DAP: variants seen among roughly 807,000 people sequenced by gnomAD.
The protein encoded by DAP is death associated protein, also known as death-associated protein 1.
In DAP, 8 loss-of-function variants were observed where a neutral mutation model predicts 13.8. The ratio of observed to expected loss-of-function variants is 0.58; its 90% CI spans 0.34 to 1.05. The LOEUF is 1.05. DAP is among the 50% of genes least tolerant of loss of function. DAP has a pLI of 0.03. For missense variants in DAP, 106 were observed against 133.2 expected (o/e 0.80, Z 1.01); for synonymous variants, 47 against 47.5 (o/e 0.99, Z 0.04).
Position 10,748,216 on chromosome 5 carries a change from T to C in DAP, c.111A>G (p.Lys37=). The change falls in exon 2 of 4, where the codon AAA becomes AAG. Residue 37 remains lysine, a synonymous_variant. Transcript: ENST00000230895. ...CCTGGTCATCCTTGTCTTTCTCTTC[T>C]TTGGTGTCTCCTGTATGTGGGTGTT... ...VQKHPHTGDT[K]EEKDKDDQEW... The C allele has an allele frequency of 6.2e-7, 1 of 1,614,170 alleles. No individual in the cohort carries two copies. Among genetic ancestry groups the C allele is most frequent in the Non-Finnish European group, 8.5e-7 (1 of 1,179,972 alleles).
At chr5:10,720,512 T>C (rs1192309032) in intron 2 of DAP, among the ~76,000 whole-genome samples, 2 of 152,166 alleles carry the variant, frequency 1.3e-5, no homozygotes, top group Admixed American at 6.5e-5. Context: ...ATCAAGTGGA[T>C]GCGATGACCC....
At position 10,688,056 on chromosome 5, in the gene DAP, C is replaced by T. The variant is rs949364307; in HGVS notation, c.153-4485G>A. The stretch of plus-strand genomic sequence containing the variant: ...TCAGCCTCCAGAGTAGCTGGGATTA[C>T]AGGCACACACCACCATGCCTGGCTA... On this transcript the variant is annotated intron_variant, in intron 2 of 3. Transcript: ENST00000230895. Among the ~76,000 whole-genome samples the T allele has an allele frequency of 5.3e-5, 8 of 152,180 alleles. No individual in the cohort carries two copies. In the East Asian group the frequency reaches 7.7e-4, roughly 15 times the overall value.
chr5:10,750,824 G>C (rs1312810062), intron 1 of DAP, among the ~76,000 whole-genome samples: 1 of 152,182 alleles, frequency 6.6e-6, no homozygotes, highest in Non-Finnish European at 1.5e-5. Context: ...GGCTTTACCA[G>C]TAAGGATCTC....
At chr5:10,712,887 C>A (rs1364140531) in intron 2 of DAP, among the ~76,000 whole-genome samples, 5 of 152,108 alleles carry the variant, frequency 3.3e-5, no homozygotes, top group Admixed American at 3.3e-4. Flanking sequence ...TGAATGGAAC[C>A]TCAAGATATC....
chr5:10,756,363 A>G (rs1039566586), intron 1 of DAP, among the ~76,000 whole-genome samples: 3 of 91,476 alleles, frequency 3.3e-5, no homozygotes, highest in African/African-American at 9.4e-5. Flanking sequence ...AAGACAAATT[A>G]GTCTTCTGTT....
intron 2 of DAP, among the ~76,000 whole-genome samples, chr5:10,736,133 C>T (rs533211563): frequency 2.4e-4 from 36 of 152,320 alleles, no homozygotes; most frequent in African/African-American, 7.7e-4. Context: ...TCAGAAGCTG[C>T]GAGACAGGCC....
At chr5:10,710,145 C>G (rs371163520) in intron 2 of DAP, among the ~76,000 whole-genome samples, 17 of 152,348 alleles carry the variant, frequency 1.1e-4, no homozygotes, top group African/African-American at 4.1e-4. Flanking sequence ...GACCCCTCCC[C>G]TTCCCTCGGC....
At chr5:10,723,119 T>C (rs566109714) in intron 2 of DAP, among the ~76,000 whole-genome samples, 22 of 152,288 alleles carry the variant, frequency 1.4e-4, no homozygotes, top group Middle Eastern at 6.8e-3. Context: ...CTCCTCCCTC[T>C]TGCCATCACA....
chr5:10,727,503 C>T (rs1274670422), intron 2 of DAP, among the ~76,000 whole-genome samples: 1 of 152,164 alleles, frequency 6.6e-6, no homozygotes, highest in Admixed American at 6.5e-5. Context: ...ATGGGGCCTG[C>T]TGCCTTGCTC....
At chr5:10,751,771 C>A (rs1412282549) in intron 1 of DAP, among the ~76,000 whole-genome samples, 2 of 152,128 alleles carry the variant, frequency 1.3e-5, no homozygotes, top group Non-Finnish European at 2.9e-5. Flanking sequence ...AAAGAAATGG[C>A]CTGCAAGGAA....
chr5:10,725,867 A>C (rs1040605941), intron 2 of DAP, among the ~76,000 whole-genome samples: 1 of 152,214 alleles, frequency 6.6e-6, no homozygotes, highest in African/African-American at 2.4e-5. Context: ...CAGTAGATAT[A>C]CCTGACCACA....
At chr5:10,738,012 G>A (rs996594688) in intron 2 of DAP, among the ~76,000 whole-genome samples, 15 of 152,228 alleles carry the variant, frequency 9.9e-5, no homozygotes, top group African/African-American at 3.6e-4. Context: ...CTACAAGCCA[G>A]GGGATGCCAG....
chr5:10,747,735 G>A (rs771184512), intron 2 of DAP, among the ~76,000 whole-genome samples: 2 of 152,182 alleles, frequency 1.3e-5, no homozygotes, highest in African/African-American at 2.4e-5. Flanking sequence ...GTCCACTCTG[G>A]TGGTCCAGCC....
At chr5:10,745,254 G>A (rs1269501580) in intron 2 of DAP, among the ~76,000 whole-genome samples, 3 of 152,170 alleles carry the variant, frequency 2.0e-5, no homozygotes, top group Non-Finnish European at 4.4e-5. Context: ...TAGCTAAAGA[G>A]TGTACACAGG....
intron 2 of DAP, among the ~76,000 whole-genome samples, chr5:10,742,135 C>A (rs550581280): frequency 2.1e-5 from 3 of 143,048 alleles, no homozygotes; most frequent in African/African-American, 8.0e-5. Context: ...CATTAAGTAA[C>A]TGGAGTTCTT....
chr5:10,705,260 G>C (rs1265653451), intron 2 of DAP, among the ~76,000 whole-genome samples: 1 of 152,212 alleles, frequency 6.6e-6, no homozygotes, highest in Non-Finnish European at 1.5e-5. Context: ...ATGTATTAAA[G>C]GCTGAGTTGC....
Position 10,680,576 on chromosome 5 carries a change from A to C in DAP, c.*480T>G, listed in dbSNP as rs1261549339. 1 of 703,748 alleles carries C rather than the reference A, an allele frequency of 1.4e-6. No individual in the cohort carries two copies. Among genetic ancestry groups the C allele is most frequent in the Non-Finnish European group, 2.3e-6 (1 of 430,376 alleles). 43.6% of individuals were successfully genotyped at this position (703,748 alleles called of 1,614,324 possible). ...TTGGCATTGCTGTTCCCTGCCTCTA[A>C]GGTCCTTTATGAGGGGCCGCCCAAA... is the stretch of plus-strand genomic sequence containing the variant. On this transcript the variant is annotated 3_prime_UTR_variant, in exon 4 of 4. Coordinates refer to ENST00000230895, the MANE Select transcript of DAP (RefSeq NM_004394.3).
At chr5:10,702,256 C>G (rs1738598051) in intron 2 of DAP, among the ~76,000 whole-genome samples, 2 of 152,188 alleles carry the variant, frequency 1.3e-5, no homozygotes, top group African/African-American at 4.8e-5. Flanking sequence ...CTCAGCTTAG[C>G]ACAAGTTTGT....
intron 1 of DAP, among the ~76,000 whole-genome samples, chr5:10,754,107 G>C (rs1480767428): frequency 1.3e-5 from 2 of 152,194 alleles, no homozygotes; most frequent in African/African-American, 4.8e-5. Flanking sequence ...GGAGAGAGGA[G>C]AATCACTGGC....
Sources: allele counts gnomAD v4.1 joint callset (sites outside exome capture counted in the v4.1 genomes callset), GRCh38; gene constraint gnomAD v4.1.1; transcripts MANE v1.5; gene names NCBI Gene and HGNC (gene_info 2026-07-23, HGNC 2026-07-21).